ATRN: variants seen among roughly 807,000 people sequenced by gnomAD.
ATRN encodes attractin-2.
ATRN carries 54 observed loss-of-function variants against 178.7 expected under a neutral mutation model. That is an observed-to-expected ratio of 0.30 (90% CI 0.24 to 0.38). ATRN has a LOEUF of 0.38. Ranked by LOEUF, ATRN falls within the 10% of genes least tolerant of loss-of-function variation. ATRN has a pLI of 1.00. For missense variants in ATRN, 1,443 were observed against 1,815.1 expected (o/e 0.79, Z 3.73); for synonymous variants, 636 against 663.0 (o/e 0.96, Z 0.63).
At chr20:3,587,340 C>T (rs1600133704) in intron 18 of ATRN, among the ~76,000 whole-genome samples, 1 of 152,038 alleles carries the variant, frequency 6.6e-6, no homozygotes, top group Non-Finnish European at 1.5e-5. Flanking sequence ...CCTAAGTTTT[C>T]TTTGAAAAGT....
At chr20:3,547,229 A>G (rs2085716757) in intron 4 of ATRN, 55 bp from the exon 5 acceptor site, 1 of 1,355,588 alleles carries the variant, frequency 7.4e-7, no homozygotes, top group African/African-American at 1.4e-5. Flanking sequence ...AAGTTATGCT[A>G]AGTTAATGGA....
Position 3,575,925 on chromosome 20 carries a change from A to G in ATRN, c.2191A>G (p.Asn731Asp). 6.2e-7 allele frequency: 1 copy of G among 1,614,110 alleles called. No individual in the cohort carries two copies. Among genetic ancestry groups the G allele is most frequent in the East Asian group, 2.2e-5 (1 of 44,874 alleles). The change falls in exon 13 of 29, where the codon AAC (asparagine) becomes GAC (aspartate). Residue 731 changes from asparagine (N) to aspartate (D), a missense_variant. By Grantham distance (23) the Asn-to-Asp change is conservative. Around this residue, in one of 4 missense-constraint regions of ATRN, gnomAD observed 862 missense variants for 972.1 expected, o/e 0.89. Coordinates refer to ENST00000262919, the MANE Select transcript of ATRN (RefSeq NM_139321.3). ...GTGCAATGACCATTGTGTCCCCAGG[A>G]ACCACAGCTGCTCAGAAGGCCAGGT... ...HWCNDHCVPRNHSCSEGQISI... is the reference protein window; with the variant it reads ...HWCNDHCVPRDHSCSEGQISI...
At position 3,646,703 on chromosome 20, in the gene ATRN, C is replaced by T. The variant is rs1177722980; in HGVS notation, c.4166-20C>T. ...AAGCCAGCTGCTCCCAGCATATGTT[C>T]TCTCTGTGGTTCTCCCAAGGTCTTG... On this transcript the variant is annotated intron_variant, in intron 28 of 28. Transcript: ENST00000262919. The T allele has an allele frequency of 6.3e-7, 1 of 1,580,806 alleles. No individual in the cohort carries two copies. Among genetic ancestry groups the T allele is most frequent in the Non-Finnish European group, 8.6e-7 (1 of 1,163,480 alleles).
At chr20:3,547,124 G>A (rs529896776) in intron 4 of ATRN, among the ~76,000 whole-genome samples, 160 bp from the exon 5 acceptor site, 11 of 152,348 alleles carry the variant, frequency 7.2e-5, no homozygotes, top group African/African-American at 2.4e-4. Flanking sequence ...TAGCTATGCA[G>A]TGTTGAGCAA....
At chr20:3,643,715 A>G (rs1344005249) in intron 27 of ATRN, among the ~76,000 whole-genome samples, 1 of 152,212 alleles carries the variant, frequency 6.6e-6, no homozygotes, top group East Asian at 1.9e-4. Flanking sequence ...AGGACAGACA[A>G]AATAGAATGT....
At chr20:3,513,421 A>G (rs2146132723) in intron 1 of ATRN, among the ~76,000 whole-genome samples, 1 of 152,122 alleles carries the variant, frequency 6.6e-6, no homozygotes, top group Non-Finnish European at 1.5e-5. Flanking sequence ...ATAGTTGTAG[A>G]TGTGTGGTAT....
intron 8 of ATRN, 52 bp from the exon 9 acceptor site, chr20:3,562,224 A>G: frequency 6.8e-7 from 1 of 1,465,414 alleles, no homozygotes; most frequent in Non-Finnish European, 9.4e-7. Flanking sequence ...CATTTTCAGT[A>G]GTAGAGAGGA....
intron 11 of ATRN, among the ~76,000 whole-genome samples, chr20:3,566,553 C>T (rs2086038622): frequency 6.6e-6 from 1 of 152,050 alleles, no homozygotes; most frequent in African/African-American, 2.4e-5. Context: ...ATTCCTTTGG[C>T]TTTTGAAATT....
intron 1 of ATRN, among the ~76,000 whole-genome samples, chr20:3,488,467 C>T (rs1225729228): frequency 6.6e-6 from 1 of 152,178 alleles, no homozygotes; most frequent in Non-Finnish European, 1.5e-5. Context: ...TATCCAATCC[C>T]ATTTTTTGAG....
At chr20:3,633,106 G>T (rs1161702905) in intron 25 of ATRN, among the ~76,000 whole-genome samples, 1 of 152,180 alleles carries the variant, frequency 6.6e-6, no homozygotes, top group African/African-American at 2.4e-5. Flanking sequence ...CTGCACTCCA[G>T]CCTGGGTGAC....
At chr20:3,601,227 T>C (rs1487055349) in intron 23 of ATRN, among the ~76,000 whole-genome samples, 2 of 152,204 alleles carry the variant, frequency 1.3e-5, no homozygotes, top group Admixed American at 6.5e-5. Flanking sequence ...GTGAGGATAA[T>C]GATACTTACC....
intron 24 of ATRN, among the ~76,000 whole-genome samples, chr20:3,611,850 G>T (rs570859761): frequency 6.6e-6 from 1 of 152,330 alleles, no homozygotes; most frequent in East Asian, 1.9e-4. Context: ...AACACCAAAT[G>T]TTGGAGAGAG....
chr20:3,484,265 AC>A (rs1568680855), intron 1 of ATRN, among the ~76,000 whole-genome samples: 4 of 151,368 alleles, frequency 2.6e-5, no homozygotes, highest in Admixed American at 6.6e-5. Flanking sequence ...AAAAAAAACA[AC>A]AAAGAAACCA....
intron 1 of ATRN, among the ~76,000 whole-genome samples, chr20:3,502,560 A>T (rs1230506254): frequency 1.3e-5 from 2 of 152,134 alleles, no homozygotes; most frequent in African/African-American, 4.8e-5. Flanking sequence ...CCCCGAAAAC[A>T]TCTGCCAAGG....
intron 6 of ATRN, among the ~76,000 whole-genome samples, chr20:3,550,515 C>G (rs1012468477): frequency 2.6e-5 from 4 of 152,176 alleles, no homozygotes; most frequent in African/African-American, 9.7e-5. Flanking sequence ...TGATGAGACT[C>G]CTGCAGTGGT....
intron 1 of ATRN, among the ~76,000 whole-genome samples, chr20:3,532,401 G>A (rs531047233): frequency 2.6e-5 from 4 of 152,252 alleles, no homozygotes; most frequent in African/African-American, 9.6e-5. Flanking sequence ...CTGTTTTTCA[G>A]GGACTTTGCA....
intron 1 of ATRN, among the ~76,000 whole-genome samples, chr20:3,519,988 T>C (rs1466906059): frequency 6.6e-6 from 1 of 152,208 alleles, no homozygotes; most frequent in Non-Finnish European, 1.5e-5. Context: ...GTATCCTATT[T>C]GAGGCAAATA....
At chr20:3,481,098 A>G (rs2084614004) in intron 1 of ATRN, among the ~76,000 whole-genome samples, 1 of 151,964 alleles carries the variant, frequency 6.6e-6, no homozygotes, top group East Asian at 1.9e-4. Flanking sequence ...TACTGTTCTC[A>G]TCTTTCATTT....
intron 1 of ATRN, among the ~76,000 whole-genome samples, chr20:3,493,127 T>C (rs1391169220): frequency 1.2e-5 from 1 of 80,490 alleles, no homozygotes; most frequent in Non-Finnish European, 2.9e-5. Context: ...TTTGTTTGTG[T>C]GTGTGTGTGT....
Sources: gnomAD v4.1 joint callset for allele counts (sites outside exome capture counted in the v4.1 genomes callset) on GRCh38, gnomAD v4.1.1 for gene constraint, gnomAD v4.1.1 regional missense constraint, MANE v1.5 for transcripts, NCBI Gene and HGNC (gene_info 2026-07-23, HGNC 2026-07-21) for gene names.